CDH4: variants seen among roughly 807,000 people sequenced by gnomAD.
CDH4 encodes the protein cadherin-4.
In CDH4, 33 loss-of-function variants were observed where a neutral mutation model predicts 86.0. The observed-to-expected ratio is 0.38, with a 90% CI of 0.29 to 0.51. The LOEUF is 0.51. Ranked by LOEUF, CDH4 falls within the 20% of genes least tolerant of loss-of-function variation. The pLI is 0.86. For missense variants in CDH4, 1,114 were observed against 1,307.4 expected, an observed-to-expected ratio of 0.85 and a Z score of 2.28; for synonymous variants, 555 against 549.4, an observed-to-expected ratio of 1.01 and a Z score of -0.14.
chr20:61,840,321 TGAA>T, intron 4 of CDH4, among the ~76,000 whole-genome samples: 1 of 152,260 alleles, frequency 6.6e-6, no homozygotes, highest in Middle Eastern at 3.4e-3. Flanking sequence ...CTTCCACCCT[TGAA>T]AGCTTAGGGA....
intron 2 of CDH4, among the ~76,000 whole-genome samples, chr20:61,390,107 T>C (rs1324798752): frequency 1.3e-5 from 2 of 149,468 alleles, no homozygotes; most frequent in Non-Finnish European, 3.0e-5. Context: ...CGTATGGTCA[T>C]AGGGTGCCCA....
intron 2 of CDH4, among the ~76,000 whole-genome samples, chr20:61,506,678 G>C (rs749270803): frequency 2.6e-5 from 4 of 152,152 alleles, no homozygotes; most frequent in Non-Finnish European, 5.9e-5. Flanking sequence ...GCAGGAGCTG[G>C]GGGAGGAAAA....
intron 2 of CDH4, among the ~76,000 whole-genome samples, chr20:61,389,487 A>T (rs565865845): frequency 6.6e-6 from 1 of 152,250 alleles, no homozygotes; most frequent in South Asian, 2.1e-4. Flanking sequence ...GGTGCTTTAG[A>T]TATTTGTTGA....
intron 7 of CDH4, among the ~76,000 whole-genome samples, chr20:61,887,843 A>T (rs556482362): frequency 6.6e-6 from 1 of 152,290 alleles, no homozygotes; most frequent in South Asian, 2.1e-4. Context: ...GGAGGCAGCC[A>T]CAGCCAAATA....
chr20:61,754,813 C>T lies in CDH4; in HGVS notation c.396+11024C>T, dbSNP rs1031083629. ...CTGCACGCCACACACACCACACACA[C>T]GATGCATGCCACACACCACACACAT... On this transcript the variant is annotated intron_variant, in intron 3 of 15. Coordinates refer to ENST00000614565, the MANE Select transcript of CDH4 (RefSeq NM_001794.5). The surrounding 1 kb of genome is among the most constrained non-coding windows in gnomAD (Gnocchi z 4.7). 4.1e-5 allele frequency among the ~76,000 whole-genome samples: 6 copies of T among 147,966 alleles called. No homozygotes were observed. Among genetic ancestry groups the T allele is most frequent in the South Asian group, 4.3e-4 (2 of 4,610 alleles).
intron 2 of CDH4, among the ~76,000 whole-genome samples, chr20:61,297,377 G>A (rs934050750): frequency 1.1e-4 from 16 of 152,136 alleles, no homozygotes; most frequent in Admixed American, 2.6e-4. Context: ...CGACAAGAGC[G>A]AAACTCCATC....
In CDH4 at chr20:61,848,766, C is replaced by T. The variant is rs1982579282; in HGVS notation, c.732+3943C>T. Among the ~76,000 whole-genome samples, 3 of 152,140 alleles carry T rather than the reference C, an allele frequency of 2.0e-5. 1 individual carries two copies. The highest frequency in any genetic ancestry group is 2.0e-4 in the Admixed American group (3 of 15,266). ...TGGTCTCAAACTCCTGAGCTCAAGC[C>T]ATCTGCCTGCGTCAGCCTCCCAAAG... On this transcript the variant is annotated intron_variant, in intron 5 of 15. Coordinates refer to ENST00000614565, the MANE Select transcript of CDH4 (RefSeq NM_001794.5).
chr20:61,831,441 G>A (rs977972748), intron 4 of CDH4, among the ~76,000 whole-genome samples: 3 of 152,186 alleles, frequency 2.0e-5, no homozygotes, highest in Admixed American at 6.5e-5. Flanking sequence ...TCAAATCCCT[G>A]CACCTGTAGA....
At chr20:61,529,531 TGGAATCTGACTATA>T (rs1247510275) in intron 2 of CDH4, among the ~76,000 whole-genome samples, 1 of 152,224 alleles carries the variant, frequency 6.6e-6, no homozygotes, top group African/African-American at 2.4e-5. Flanking sequence ...CAACATGCCA[TGGAATCTGACTATA>T]GGAATCTGTG....
intron 13 of CDH4, among the ~76,000 whole-genome samples, chr20:61,931,108 C>A (rs2055103739): frequency 6.6e-6 from 1 of 152,218 alleles, no homozygotes. Context: ...CCGGAGTGGC[C>A]TCCCCTCCTC....
intron 2 of CDH4, among the ~76,000 whole-genome samples, chr20:61,433,896 A>G (rs2085264874): frequency 6.6e-6 from 1 of 152,218 alleles, no homozygotes; most frequent in Non-Finnish European, 1.5e-5. Flanking sequence ...GACGCTGAGT[A>G]GTTGAGCTGC....
chr20:61,829,317 G>A lies in CDH4; in HGVS notation c.577-15351G>A, dbSNP rs1298034264. Among the ~76,000 whole-genome samples the A allele has an allele frequency of 6.6e-6, 1 of 152,246 alleles. No homozygotes were observed. Among genetic ancestry groups the A allele is most frequent in the Non-Finnish European group, 1.5e-5 (1 of 68,046 alleles). On this transcript the variant is annotated intron_variant, in intron 4 of 15. Coordinates refer to ENST00000614565, the MANE Select transcript of CDH4 (RefSeq NM_001794.5). The surrounding 1 kb of genome is among the most constrained non-coding windows in gnomAD (Gnocchi z 4.2). Reference sequence around the variant, plus strand: ...CATAATGTTTTCAAGGTTCAGCCATGCTGCAGCTCGTATCAGAACCTAGTT... The same window carrying A: ...CATAATGTTTTCAAGGTTCAGCCATACTGCAGCTCGTATCAGAACCTAGTT...
rs180843364 is a variant in CDH4, at chr20:61,549,787, C to T, written c.170-193776C>T. On this transcript the variant is annotated intron_variant, in intron 2 of 15. Coordinates refer to ENST00000614565, the MANE Select transcript of CDH4 (RefSeq NM_001794.5). ...TTCTCAGAGTCCAGATACATGAGCG[C>T]TTAGCGCATGGGAAACATTCCCCAA... 3.0e-3 allele frequency among the ~76,000 whole-genome samples: 453 copies of T among 152,368 alleles called. 5 individuals carry two copies. The highest frequency in any genetic ancestry group is 0.015 in the Admixed American group (225 of 15,308).
At chr20:61,398,910 G>A (rs1427913509) in intron 2 of CDH4, among the ~76,000 whole-genome samples, 1 of 152,196 alleles carries the variant, frequency 6.6e-6, no homozygotes, top group African/African-American at 2.4e-5. Context: ...GCCCAGTCCT[G>A]TAGGCCCTGT....
chr20:61,407,308 C>T (rs956832647), intron 2 of CDH4, among the ~76,000 whole-genome samples: 5 of 152,186 alleles, frequency 3.3e-5, no homozygotes, highest in African/African-American at 7.2e-5. Context: ...TTAGAGAAGC[C>T]GTGCCTGCCA....
At chr20:61,478,509 T>C (rs2085551785) in intron 2 of CDH4, among the ~76,000 whole-genome samples, 1 of 152,224 alleles carries the variant, frequency 6.6e-6, no homozygotes, top group South Asian at 2.1e-4. Context: ...GTGTCCAGTG[T>C]AGCACATCTG....
chr20:61,561,323 C>T (rs1199632476), intron 2 of CDH4, among the ~76,000 whole-genome samples: 1 of 152,214 alleles, frequency 6.6e-6, no homozygotes, highest in Non-Finnish European at 1.5e-5. Flanking sequence ...GTGTTTTCAC[C>T]ACAGCCTTAA....
At chr20:61,304,033 C>T (rs1265417285) in intron 2 of CDH4, among the ~76,000 whole-genome samples, 1 of 152,150 alleles carries the variant, frequency 6.6e-6, no homozygotes, top group African/African-American at 2.4e-5. Context: ...TCATTTCACA[C>T]GTTTTTCTGG....
intron 11 of CDH4, 125 bp from the exon 12 acceptor site, chr20:61,928,065 G>A (rs1157359519): frequency 9.0e-6 from 7 of 776,766 alleles, no homozygotes; most frequent in African/African-American, 6.8e-5. Flanking sequence ...GTCCGGCTGG[G>A]GGTCTGCACA....
Sources: gnomAD v4.1 joint callset for allele counts (sites outside exome capture counted in the v4.1 genomes callset) on GRCh38, gnomAD v4.1.1 for gene constraint, Gnocchi (gnomAD v3.1) non-coding constraint, MANE v1.5 for transcripts, NCBI Gene and HGNC (gene_info 2026-07-23, HGNC 2026-07-21) for gene names.